LPIN1: variants seen among roughly 807,000 people sequenced by gnomAD.
The protein encoded by LPIN1 is phosphatidate phosphatase LPIN1.
A neutral mutation model predicts 107.5 loss-of-function variants in LPIN1; 71 were observed. That is an observed-to-expected ratio of 0.66 (90% CI 0.55 to 0.80). The LOEUF (loss-of-function observed/expected upper bound fraction) is 0.80. LPIN1 is among the 30% of genes least tolerant of loss of function. The probability of loss-of-function intolerance (pLI) is 0.00; values close to 1 mark genes in which losing one functional copy is unlikely to be tolerated. For synonymous variants in LPIN1, 445 were observed against 452.6 expected (o/e 0.98, Z 0.21); for missense variants, 1,043 against 1,160.6 (o/e 0.90, Z 1.47).
At chr2:11,705,014 G>A (rs544938467) in intron 1 of LPIN1, among the ~76,000 whole-genome samples, 7 of 152,206 alleles carry the variant, frequency 4.6e-5, no homozygotes, top group Non-Finnish European at 8.8e-5. Context: ...ACTGGTTACC[G>A]GCCACAGGAT....
chr2:11,813,485 C>T (rs535805715), intron 17 of LPIN1, among the ~76,000 whole-genome samples: 1 of 152,018 alleles, frequency 6.6e-6, no homozygotes, highest in South Asian at 2.1e-4. Flanking sequence ...TGCACAGCGG[C>T]CGGGCAGAGG....
At chr2:11,772,276 C>G (rs551277456) in intron 4 of LPIN1, among the ~76,000 whole-genome samples, 58 of 152,308 alleles carry the variant, frequency 3.8e-4, no homozygotes, top group African/African-American at 1.3e-3. Context: ...GGCATGGACC[C>G]CAGGGGTTGG....
chr2:11,785,501 G>A (rs956262239), intron 10 of LPIN1, among the ~76,000 whole-genome samples: 2 of 152,196 alleles, frequency 1.3e-5, no homozygotes, highest in Admixed American at 1.3e-4. Flanking sequence ...GGTGGGCTTA[G>A]GTGATTCATT....
At chr2:11,817,532 A>G (rs995104611) in intron 18 of LPIN1, 10 of 152,212 alleles carry the variant, frequency 6.6e-5, no homozygotes, top group African/African-American at 2.4e-4. Context: ...ATTTAGGTCT[A>G]TAGTCCACTA....
At chr2:11,794,743 A>G (rs1017299534) in intron 13 of LPIN1, among the ~76,000 whole-genome samples, 2 of 152,132 alleles carry the variant, frequency 1.3e-5, no homozygotes, top group Non-Finnish European at 2.9e-5. Context: ...TTTGCCTGCT[A>G]TGTGCCTGGC....
chr2:11,784,762 G>A (rs1674203058), intron 9 of LPIN1, 124 bp from the exon 10 acceptor site: 2 of 865,642 alleles, frequency 2.3e-6, no homozygotes. Context: ...ATAAACATCT[G>A]TGCTGAGATG....
At chr2:11,687,474 A>G (rs1288028656) in intron 1 of LPIN1, among the ~76,000 whole-genome samples, 2 of 151,846 alleles carry the variant, frequency 1.3e-5, no homozygotes, top group Admixed American at 1.3e-4. Flanking sequence ...TATAGCATGG[A>G]CAGCAAGGCA....
chr2:11,699,221 T>C (rs1440696867), intron 1 of LPIN1, among the ~76,000 whole-genome samples: 1 of 152,162 alleles, frequency 6.6e-6, no homozygotes, highest in Non-Finnish European at 1.5e-5. Flanking sequence ...CAGTAACGGG[T>C]CCTCAGGAAC....
At chr2:11,737,935 A>G (rs1431247507) in intron 1 of LPIN1, among the ~76,000 whole-genome samples, 1 of 152,346 alleles carries the variant, frequency 6.6e-6, no homozygotes, top group African/African-American at 2.4e-5. Context: ...ACACATGCAT[A>G]TGTATGTTTA....
chr2:11,709,572 G>A (rs1232503208), intron 1 of LPIN1, among the ~76,000 whole-genome samples: 1 of 152,176 alleles, frequency 6.6e-6, no homozygotes, highest in Non-Finnish European at 1.5e-5. Context: ...AATGCTTTTA[G>A]GTCCCGAGTT....
rs768698600 is a variant in LPIN1 at position 11,786,264 on chromosome 2, C to T, written c.1550-810C>T. Among the ~76,000 whole-genome samples the T allele has an allele frequency of 1.2e-4, 18 of 152,164 alleles. No individual in the cohort carries two copies. Among genetic ancestry groups the T allele is most frequent in the Non-Finnish European group, 2.2e-4 (15 of 68,018 alleles). On this transcript the variant is annotated intron_variant, in intron 10 of 20. Transcript: ENST00000674199. This position sits in a 1 kb window ranked among gnomAD's most constrained non-coding sequence, Gnocchi z 4.1. ...TCAGGCTGGCATCAAGACCCAGGGACTCTTTTCCTGGACGGAGGAGATTCT... is the reference window on the plus strand; with the variant it reads ...TCAGGCTGGCATCAAGACCCAGGGATTCTTTTCCTGGACGGAGGAGATTCT...
intron 1 of LPIN1, among the ~76,000 whole-genome samples, chr2:11,694,763 T>G (rs1662486237): frequency 6.6e-6 from 1 of 152,232 alleles, no homozygotes; most frequent in South Asian, 2.1e-4. Context: ...ATCTTTTGCC[T>G]TTTACTAAAC....
intron 1 of LPIN1, among the ~76,000 whole-genome samples, chr2:11,708,026 A>G (rs1409625126): frequency 1.3e-5 from 2 of 152,108 alleles, no homozygotes; most frequent in East Asian, 3.9e-4. Context: ...TTCACATCAG[A>G]TCCGCATCCG....
chr2:11,759,137 CTTT>C (rs1558819950), intron 1 of LPIN1, among the ~76,000 whole-genome samples: 5 of 39,612 alleles, frequency 1.3e-4, no homozygotes, highest in East Asian at 1.1e-3. Flanking sequence ...TCTTTCTTTT[CTTT>C]CTTTCTTTCT....
intron 1 of LPIN1, among the ~76,000 whole-genome samples, chr2:11,679,998 G>A (rs1040982693): frequency 6.6e-6 from 1 of 152,240 alleles, no homozygotes; most frequent in African/African-American, 2.4e-5. Flanking sequence ...TGGGGACTGA[G>A]TCTGGGACTA....
chr2:11,705,778 C>T (rs1663094597), intron 1 of LPIN1, among the ~76,000 whole-genome samples: 1 of 152,068 alleles, frequency 6.6e-6, no homozygotes. Context: ...AAATTGCATG[C>T]TTTTTTTATA....
chr2:11,691,859 C>T (rs540105621), intron 1 of LPIN1, among the ~76,000 whole-genome samples: 53 of 152,384 alleles, frequency 3.5e-4, no homozygotes, highest in South Asian at 8.3e-4. Flanking sequence ...GCTTGATACA[C>T]TATTACCCAA....
rs759076614 is a variant in LPIN1, at chr2:11,804,447, C to G, written c.2038C>G (p.Pro680Ala). Residue 680 changes from proline to alanine, a missense_variant, in exon 16 of 21, where the codon CCC becomes GCC. By Grantham distance (27) the Pro-to-Ala change is conservative (BLOSUM62 -1). Transcript: ENST00000674199. ...GAAAAGCTTGAAGTTGAAGAATGGC[C>G]CCAACGACGTGGTTTTCAGTGTCAC... ...QLKSLKLKNG[P>A]NDVVFSVTTQ... 1 of 1,614,146 alleles carries G rather than the reference C, an allele frequency of 6.2e-7. No individual in the cohort carries two copies. The highest frequency in any genetic ancestry group is 1.3e-5 in the African/African-American group (1 of 75,006).
chr2:11,702,005 T>C (rs1662897508), intron 1 of LPIN1, among the ~76,000 whole-genome samples: 1 of 152,216 alleles, frequency 6.6e-6, no homozygotes, highest in African/African-American at 2.4e-5. Context: ...CTTGTGGCTG[T>C]CGGATGCCAA....
Sources: allele counts gnomAD v4.1 joint callset (sites outside exome capture counted in the v4.1 genomes callset), GRCh38; gene constraint gnomAD v4.1.1; non-coding constraint Gnocchi (gnomAD v3.1); transcripts MANE v1.5; gene names NCBI Gene and HGNC (gene_info 2026-07-23, HGNC 2026-07-21).